The following PLCH1 variants were observed in gnomAD, a reference collection of about 807,000 sequenced individuals.
PLCH1 encodes the protein 1-phosphatidylinositol 4,5-bisphosphate phosphodiesterase eta-1.
Under a neutral mutation model 126.7 loss-of-function variants are expected in PLCH1, and 60 were observed. That is an observed-to-expected ratio of 0.47 (90% CI 0.38 to 0.59). The LOEUF is 0.59. Ranked by LOEUF, PLCH1 falls within the 20% of genes least tolerant of loss-of-function variation. The pLI, the probability that PLCH1 is intolerant of heterozygous loss-of-function variation, is 0.00. For synonymous variants in PLCH1, 719 were observed against 734.9 expected, an observed-to-expected ratio of 0.98 and a Z score of 0.35; for missense variants, 1,723 against 2,040.0, an observed-to-expected ratio of 0.84 and a Z score of 2.99.
At chr3:155,628,048 T>C (rs926430826) in intron 2 of PLCH1, among the ~76,000 whole-genome samples, 1 of 152,080 alleles carries the variant, frequency 6.6e-6, no homozygotes, top group African/African-American at 2.4e-5. Flanking sequence ...ATTACAGGTG[T>C]GAGCCACCAC....
At chr3:155,620,859 C>T (rs1288498053) in intron 2 of PLCH1, among the ~76,000 whole-genome samples, 1 of 152,206 alleles carries the variant, frequency 6.6e-6, no homozygotes, top group Admixed American at 6.5e-5. Flanking sequence ...ACGTCCCTAC[C>T]TGACAGCCCT....
At chr3:155,483,712 T>C (rs553833919) in intron 22 of PLCH1, among the ~76,000 whole-genome samples, 1 of 152,316 alleles carries the variant, frequency 6.6e-6, no homozygotes, top group East Asian at 1.9e-4. Flanking sequence ...TTCTTTTTAA[T>C]ACACAAATTT....
chr3:155,490,734 C>A (rs1245786235), intron 19 of PLCH1, 50 bp downstream of exon 19: 3 of 1,031,708 alleles, frequency 2.9e-6, no homozygotes, highest in Admixed American at 1.8e-5. Context: ...AGTGTAAATT[C>A]TATTTCTAGA....
chr3:155,661,973 T>C (rs1295778658), intron 2 of PLCH1, among the ~76,000 whole-genome samples: 1 of 152,224 alleles, frequency 6.6e-6, no homozygotes, highest in Non-Finnish European at 1.5e-5. Flanking sequence ...TAATGGTATC[T>C]GATAACACTC....
intron 21 of PLCH1, among the ~76,000 whole-genome samples, chr3:155,459,902 C>G (rs1712645506): frequency 6.6e-6 from 1 of 152,180 alleles, no homozygotes; most frequent in Non-Finnish European, 1.5e-5. Context: ...CAGTGGTTAT[C>G]AAAGTGTGGA....
intron 2 of PLCH1, among the ~76,000 whole-genome samples, chr3:155,693,331 G>C (rs1745553431): frequency 1.3e-5 from 1 of 75,398 alleles, no homozygotes; most frequent in Non-Finnish European, 2.1e-5. Flanking sequence ...CGGGCGCGGT[G>C]GCGGGCGCCT....
chr3:155,645,631 C>T (rs146026006), intron 2 of PLCH1, among the ~76,000 whole-genome samples: 1 of 152,092 alleles, frequency 6.6e-6, no homozygotes, highest in Non-Finnish European at 1.5e-5. Context: ...CAGGCACATG[C>T]CACCATGCCC....
chr3:155,556,321 T>C (rs1336931832), intron 8 of PLCH1, among the ~76,000 whole-genome samples: 3 of 152,114 alleles, frequency 2.0e-5, no homozygotes, highest in Non-Finnish European at 2.9e-5. Flanking sequence ...ACATTGCAAC[T>C]CCAGCCTGGG....
chr3:155,710,500 T>C (rs1488638730), intron 1 of PLCH1, among the ~76,000 whole-genome samples: 1 of 152,116 alleles, frequency 6.6e-6, no homozygotes, highest in African/African-American at 2.4e-5. Flanking sequence ...TGACAGTGAA[T>C]AAGGAACACC....
intron 2 of PLCH1, among the ~76,000 whole-genome samples, chr3:155,616,626 GA>G (rs1735837474): frequency 6.6e-6 from 1 of 152,042 alleles, no homozygotes; most frequent in Admixed American, 6.6e-5. Flanking sequence ...TTACTGCAAA[GA>G]AAAAAGTTTG....
chr3:155,570,659 T>C (rs933078245), intron 6 of PLCH1, among the ~76,000 whole-genome samples: 3 of 152,192 alleles, frequency 2.0e-5, no homozygotes, highest in African/African-American at 7.2e-5. Flanking sequence ...AAAATTAATG[T>C]TGAGAGAGGT....
chr3:155,527,911 C>T (rs1476576710), intron 10 of PLCH1, among the ~76,000 whole-genome samples: 1 of 144,578 alleles, frequency 6.9e-6, no homozygotes, highest in African/African-American at 2.6e-5. Context: ...CAGAGTGACA[C>T]TCCGTTTCAA....
rs190584920 is a variant in PLCH1 at position 155,660,285 on chromosome 3, C to T, written c.79+43861G>A. Among the ~76,000 whole-genome samples, 927 of 152,318 alleles carry T rather than the reference C, an allele frequency of 6.1e-3. 4 individuals carry two copies. The highest frequency in any genetic ancestry group is 8.3e-3 in the Admixed American group (127 of 15,310). The stretch of plus-strand genomic sequence containing the variant: ...TATATTCTTTTCAAAAGTCAACAGC[C>T]ACTTTTACCAACCTATTCTCTCTCC... On this transcript the variant is annotated intron_variant, in intron 2 of 22. Coordinates refer to ENST00000460012, the MANE Select transcript of PLCH1 (RefSeq NM_014996.4).
Position 155,563,446 on chromosome 3 carries a change from G to A in PLCH1, c.1069+1469C>T, listed in dbSNP as rs188351136. The stretch of plus-strand genomic sequence containing the variant: ...CATCCACCTTCTAGCTCTCCCCTTC[G>A]TTCCTTTTATTCTTTTCTCTCACCA... On this transcript the variant is annotated intron_variant, in intron 8 of 22. Coordinates refer to ENST00000460012, the MANE Select transcript of PLCH1 (RefSeq NM_014996.4). Among the ~76,000 whole-genome samples, 638 of 151,918 alleles carry A rather than the reference G, an allele frequency of 4.2e-3. 1 individual carries two copies. Among genetic ancestry groups the A allele is most frequent in the Admixed American group, 7.1e-3 (108 of 15,240 alleles).
chr3:155,642,224 T>G (rs1040123229), intron 2 of PLCH1, among the ~76,000 whole-genome samples: 7 of 152,142 alleles, frequency 4.6e-5, no homozygotes, highest in African/African-American at 1.7e-4. Context: ...CTGTAAGTGG[T>G]GGAGTAAGAT....
chr3:155,696,837 G>GCC (rs1559943859), intron 2 of PLCH1, among the ~76,000 whole-genome samples: 2 of 152,164 alleles, frequency 1.3e-5, no homozygotes, highest in African/African-American at 2.4e-5. Context: ...AATGGCCACA[G>GCC]GTTTATGAGA....
chr3:155,576,139 T>C lies in PLCH1; in HGVS notation c.771+7333A>G, dbSNP rs1396324409. 2.0e-5 allele frequency among the ~76,000 whole-genome samples: 3 copies of C among 151,952 alleles called. No individual in the cohort carries two copies. In the East Asian group the frequency reaches 5.8e-4, roughly 29 times the overall value. On this transcript the variant is annotated intron_variant, in intron 6 of 22. Transcript: ENST00000460012. ...AAAAAGGATGGAACAAAAAAAACAC[T>C]CAGCTCCAGTGCCAAGAAATGGATA... is the stretch of plus-strand genomic sequence containing the variant.
chr3:155,694,264 T>G (rs1255829493), intron 2 of PLCH1, among the ~76,000 whole-genome samples: 5 of 152,180 alleles, frequency 3.3e-5, no homozygotes, highest in Non-Finnish European at 7.3e-5. Context: ...CCCCATACCC[T>G]GGCCACACCC....
intron 1 of PLCH1, among the ~76,000 whole-genome samples, chr3:155,709,775 G>A (rs1746957789): frequency 6.6e-6 from 1 of 151,992 alleles, no homozygotes; most frequent in South Asian, 2.1e-4. Flanking sequence ...GAACCACCAT[G>A]TCTGGCTAAT....
Sources: allele counts gnomAD v4.1 joint callset (sites outside exome capture counted in the v4.1 genomes callset), GRCh38; gene constraint gnomAD v4.1.1; transcripts MANE v1.5; gene names NCBI Gene and HGNC (gene_info 2026-07-23, HGNC 2026-07-21).